The following PPFIA2 variants were observed in gnomAD, a reference collection of about 807,000 sequenced individuals.
PPFIA2 encodes the protein PPFI scaffold protein A2, also known as liprin-alpha-2.
In PPFIA2, 46 loss-of-function variants were observed where a neutral mutation model predicts 175.5. That is an observed-to-expected ratio of 0.26 (90% CI 0.21 to 0.34). The LOEUF is 0.34. Ranked by LOEUF, PPFIA2 falls within the 10% of genes least tolerant of loss-of-function variation. The pLI, the probability that PPFIA2 is intolerant of heterozygous loss-of-function variation, is 1.00. For missense variants in PPFIA2, 1,179 were observed against 1,506.1 expected (o/e 0.78, Z 3.60); for synonymous variants, 568 against 511.4 (o/e 1.11, Z -1.49).
chr12:81,341,281 A>C, intron 19 of PPFIA2, 73 bp from the exon 20 acceptor site: 1 of 1,472,696 alleles, frequency 6.8e-7, no homozygotes, highest in Non-Finnish European at 9.3e-7. Flanking sequence ...ATGGAGAATC[A>C]TGAGAACAAG....
intron 3 of PPFIA2, among the ~76,000 whole-genome samples, chr12:81,692,813 T>C (rs1398524219): frequency 6.6e-6 from 1 of 152,126 alleles, no homozygotes; most frequent in Non-Finnish European, 1.5e-5. Context: ...TAACAATCAT[T>C]AAATTTCTAA....
At chr12:81,359,367 T>C (rs1159903523) in intron 15 of PPFIA2, among the ~76,000 whole-genome samples, 2 of 151,876 alleles carry the variant, frequency 1.3e-5, no homozygotes, top group Admixed American at 6.6e-5. Flanking sequence ...TTCCATCAAA[T>C]AGGTGACAGC....
intron 4 of PPFIA2, among the ~76,000 whole-genome samples, chr12:81,539,953 C>T (rs753838397): frequency 2.0e-5 from 3 of 151,918 alleles, no homozygotes; most frequent in East Asian, 3.9e-4. Flanking sequence ...ATTAAAGAAA[C>T]TCAAATTTAA....
rs899687127 is a variant in PPFIA2 at position 81,541,664 on chromosome 12, A to G, written c.304-83798T>C. Among the ~76,000 whole-genome samples, 9 of 149,552 alleles carry G rather than the reference A, an allele frequency of 6.0e-5. No individual in the cohort carries two copies. The East Asian group carries it at 1.7e-3, about 29-fold the overall frequency. On this transcript the variant is annotated intron_variant, in intron 4 of 32. Transcript: ENST00000549396. ...TATTAATTAGACAAATTATGTCTTT[A>G]AAGCAATAAAAAAAACCCTGCTAAT...
chr12:81,355,196 T>G (rs1233335175), intron 16 of PPFIA2, among the ~76,000 whole-genome samples: 1 of 152,174 alleles, frequency 6.6e-6, no homozygotes, highest in African/African-American at 2.4e-5. Context: ...TCTTTGAGCA[T>G]CTCTGTCAGA....
chr12:81,542,147 C>T (rs774213315), intron 4 of PPFIA2, among the ~76,000 whole-genome samples: 3 of 152,064 alleles, frequency 2.0e-5, no homozygotes, highest in Non-Finnish European at 2.9e-5. Context: ...CTTGGGTGGG[C>T]CTTACATGCA....
intron 3 of PPFIA2, among the ~76,000 whole-genome samples, chr12:81,740,289 C>T (rs1568083284): frequency 6.6e-6 from 1 of 151,930 alleles, no homozygotes; most frequent in Non-Finnish European, 1.5e-5. Flanking sequence ...AAATTCAAGC[C>T]CTATGTACGT....
At chr12:81,332,535 T>C (rs1199915459) in intron 21 of PPFIA2, among the ~76,000 whole-genome samples, 1 of 152,112 alleles carries the variant, frequency 6.6e-6, no homozygotes, top group African/African-American at 2.4e-5. Context: ...TCTCCAAACA[T>C]TATGTCTGTA....
At chr12:81,390,883 T>A (rs2142229065) in intron 8 of PPFIA2, among the ~76,000 whole-genome samples, 1 of 151,912 alleles carries the variant, frequency 6.6e-6, no homozygotes, top group East Asian at 1.9e-4. Flanking sequence ...AGATTTTCAA[T>A]TTTTTAAAGC....
At chr12:81,442,845 CTTCATATATATA>C (rs1363969370) in intron 6 of PPFIA2, among the ~76,000 whole-genome samples, 10 of 51,524 alleles carry the variant, frequency 1.9e-4, no homozygotes, top group African/African-American at 7.5e-4. Flanking sequence ...CTTTTTCTGA[CTTCATATATATA>C]TATATATATA....
intron 4 of PPFIA2, among the ~76,000 whole-genome samples, chr12:81,464,525 C>A (rs907624364): frequency 1.3e-5 from 2 of 152,082 alleles, no homozygotes; most frequent in East Asian, 1.9e-4. Context: ...AGTGTCTGTG[C>A]TGCAAATATC....
intron 22 of PPFIA2, among the ~76,000 whole-genome samples, chr12:81,306,843 G>C (rs530341189): frequency 6.6e-6 from 1 of 151,914 alleles, no homozygotes; most frequent in Admixed American, 6.6e-5. Context: ...TGCCTGGCCA[G>C]GTTTTACTTT....
intron 24 of PPFIA2, among the ~76,000 whole-genome samples, chr12:81,285,439 A>G (rs2043088684): frequency 6.6e-6 from 1 of 152,120 alleles, no homozygotes. Context: ...TCCTGTATTA[A>G]AAACAAATGT....
intron 4 of PPFIA2, among the ~76,000 whole-genome samples, chr12:81,503,912 A>G (rs2060857235): frequency 6.6e-6 from 1 of 152,010 alleles, no homozygotes; most frequent in Non-Finnish European, 1.5e-5. Context: ...GCATTTAAAA[A>G]AATACAATTT....
chr12:81,368,290 T>C (rs1489788818), intron 13 of PPFIA2: 12 of 561,288 alleles, frequency 2.1e-5, no homozygotes, highest in Non-Finnish European at 3.2e-5. Context: ...ACTAGTTCTT[T>C]TGATGATATA....
chr12:81,273,891 C>A (rs543097602), intron 28 of PPFIA2, among the ~76,000 whole-genome samples: 14 of 149,872 alleles, frequency 9.3e-5, no homozygotes, highest in African/African-American at 2.3e-4. Context: ...CCGCCCCCCC[C>A]CAAACCGGTC....
chr12:81,607,030 T>C (rs1370506964), intron 4 of PPFIA2, among the ~76,000 whole-genome samples: 1 of 152,156 alleles, frequency 6.6e-6, no homozygotes, highest in Admixed American at 6.6e-5. Context: ...CTTCTACATG[T>C]GGCTAGCCCG....
chr12:81,547,340 C>G lies in PPFIA2; in HGVS notation c.304-89474G>C, dbSNP rs576265686. 7.2e-5 allele frequency among the ~76,000 whole-genome samples: 11 copies of G among 152,158 alleles called. No homozygotes were observed. In the East Asian group the frequency reaches 2.1e-3, roughly 29 times the overall value. ...TTCAGCACACTTCACTGTAGGGTAA[C>G]AACTGTTAACTTATTGACTAACTTT... On this transcript the variant is annotated intron_variant, in intron 4 of 32. Coordinates refer to ENST00000549396, the MANE Select transcript of PPFIA2 (RefSeq NM_003625.5).
chr12:81,627,203 T>G (rs1339259060), intron 4 of PPFIA2, among the ~76,000 whole-genome samples: 1 of 152,014 alleles, frequency 6.6e-6, no homozygotes, highest in African/African-American at 2.4e-5. Context: ...ATAATAGGAA[T>G]AAAATCCAAA....
Sources: gnomAD v4.1 joint callset for allele counts (sites outside exome capture counted in the v4.1 genomes callset) on GRCh38, gnomAD v4.1.1 for gene constraint, MANE v1.5 for transcripts, NCBI Gene and HGNC (gene_info 2026-07-23, HGNC 2026-07-21) for gene names.